The following CBLL1 variants were observed in gnomAD, a reference collection of about 807,000 sequenced individuals.
CBLL1 encodes the protein Cbl proto-oncogene like 1.
A neutral mutation model predicts 44.9 loss-of-function variants in CBLL1; 4 were observed. The observed-to-expected ratio is 0.09, with a 90% CI of 0.04 to 0.20. The LOEUF is 0.20. Ranked by LOEUF, CBLL1 falls within the 10% of genes least tolerant of loss-of-function variation. The pLI, the probability that CBLL1 is intolerant of heterozygous loss-of-function variation, is 1.00. For missense variants in CBLL1, 569 were observed against 636.7 expected (o/e 0.89, Z 1.14); for synonymous variants, 235 against 202.2 (o/e 1.16, Z -1.38).
In CBLL1 at chr7:107,754,734, T is replaced by A. The variant is rs1793451140; in HGVS notation, c.367-684T>A. Among the ~76,000 whole-genome samples, 4 of 152,218 alleles carry A rather than the reference T, an allele frequency of 2.6e-5. No homozygotes were observed. The South Asian group carries it at 8.3e-4, about 32-fold the overall frequency. ...AGGAAGATGCTGCTTACGTTAAATA[T>A]AGGACATACTTGTTATTTTACTGCA... On this transcript the variant is annotated intron_variant, in intron 4 of 5. Coordinates refer to ENST00000440859, the MANE Select transcript of CBLL1 (RefSeq NM_024814.4).
rs1433128585 is a variant in CBLL1, at chr7:107,761,478, CA to C, written c.*2304del. 6.6e-6 allele frequency: 1 copy of C among 152,088 alleles called. No homozygotes were observed. Among genetic ancestry groups the C allele is most frequent in the Admixed American group, 6.6e-5 (1 of 15,250 alleles). The allele number at this position is 152,088 out of a possible 1,614,324, so 9.4% of individuals were successfully genotyped here. ...TGAGGGTGGGTGGGTAGAAGGATAA[CA>C]AAATTACTGTTAGTGTTTCTTTCCT... is the stretch of plus-strand genomic sequence containing the variant. On this transcript the variant is annotated 3_prime_UTR_variant, in exon 6 of 6. Coordinates refer to ENST00000440859, the MANE Select transcript of CBLL1 (RefSeq NM_024814.4).
chr7:107,750,018 G>A (rs1793213314), intron 2 of CBLL1, among the ~76,000 whole-genome samples: 1 of 151,894 alleles, frequency 6.6e-6, no homozygotes, highest in South Asian at 2.1e-4. Flanking sequence ...TGCAGTGGTG[G>A]GATCATGGCT....
Position 107,759,199 on chromosome 7 carries a change from G to A in CBLL1, c.*21G>A. On this transcript the variant is annotated 3_prime_UTR_variant, in exon 6 of 6. Coordinates refer to ENST00000440859, the MANE Select transcript of CBLL1 (RefSeq NM_024814.4). ...AATGATAATAGTATTTTGAATGGAA[G>A]ATATGAGGGGGAAAAAAACTTATGT... is the stretch of plus-strand genomic sequence containing the variant. 1 of 1,546,466 alleles carries A rather than the reference G, an allele frequency of 6.5e-7. No homozygotes were observed. The highest frequency in any genetic ancestry group is 2.3e-5 in the East Asian group (1 of 44,232).
intron 5 of CBLL1, among the ~76,000 whole-genome samples, chr7:107,756,886 G>GTC (rs1793550415): frequency 6.6e-6 from 1 of 152,164 alleles, no homozygotes; most frequent in Non-Finnish European, 1.5e-5. Context: ...AGATCAGGAA[G>GTC]TGAAGAAATG....
At position 107,757,012 on chromosome 7, in the gene CBLL1, G is replaced by C. The variant is rs185626353; in HGVS notation, c.441-1131G>C. On this transcript the variant is annotated intron_variant, in intron 5 of 5. Coordinates refer to ENST00000440859, the MANE Select transcript of CBLL1 (RefSeq NM_024814.4). ...GTTTACAGTGAACTAGAAGCAAAAA[G>C]TGTGCCAGATGGCCACTAAAGGGAA... 8.6e-4 allele frequency among the ~76,000 whole-genome samples: 131 copies of C among 152,254 alleles called. 2 individuals are homozygous for C. The highest frequency in any genetic ancestry group is 8.2e-3 in the Admixed American group (126 of 15,296).
chr7:107,751,824 G>T (rs753238126), intron 2 of CBLL1, among the ~76,000 whole-genome samples: 5 of 152,076 alleles, frequency 3.3e-5, no homozygotes, highest in Non-Finnish European at 7.4e-5. Context: ...TTAATGATGG[G>T]AGTACAGGTG....
chr7:107,752,652 G>A, intron 2 of CBLL1: 1 of 1,123,214 alleles, frequency 8.9e-7, no homozygotes, highest in South Asian at 1.4e-5. Flanking sequence ...CCATCAGACT[G>A]TTGATTGGTT....
In CBLL1 at chr7:107,759,296, T is replaced by A; in HGVS notation, c.*118T>A. On this transcript the variant is annotated 3_prime_UTR_variant, in exon 6 of 6. Coordinates refer to ENST00000440859, the MANE Select transcript of CBLL1 (RefSeq NM_024814.4). Reference sequence around the variant, plus strand: ...TCTTATCGAGGTAGTATAAAACACATAGGGTCTTGTTTCTTAAAATGGTTT... The same window carrying A: ...TCTTATCGAGGTAGTATAAAACACAAAGGGTCTTGTTTCTTAAAATGGTTT... The A allele has an allele frequency of 7.2e-6, 6 of 830,862 alleles. No homozygotes were observed. Among genetic ancestry groups the A allele is most frequent in the Non-Finnish European group, 1.1e-5 (6 of 538,256 alleles). 51.5% of individuals were successfully genotyped at this position (830,862 alleles called of 1,614,324 possible). A position where few individuals can be genotyped will look rare whatever the true frequency, so the allele number is the denominator to read the frequency against.
chr7:107,755,842 A>G (rs1303701504), intron 5 of CBLL1, among the ~76,000 whole-genome samples: 1 of 152,154 alleles, frequency 6.6e-6, no homozygotes, highest in African/African-American at 2.4e-5. Flanking sequence ...TTGTTCTGCT[A>G]TTTATTAGCT....
chr7:107,749,846 G>C (rs1429621174), intron 2 of CBLL1, among the ~76,000 whole-genome samples: 3 of 151,686 alleles, frequency 2.0e-5, no homozygotes, highest in Non-Finnish European at 4.4e-5. Flanking sequence ...TCATAGCATT[G>C]ACCATTCTTG....
At chr7:107,755,874 C>G (rs1793506135) in intron 5 of CBLL1, among the ~76,000 whole-genome samples, 1 of 151,976 alleles carries the variant, frequency 6.6e-6, no homozygotes, top group Non-Finnish European at 1.5e-5. Flanking sequence ...ATAGGCTATT[C>G]TTTATTGATA....
At chr7:107,757,665 G>A (rs1398069621) in intron 5 of CBLL1, among the ~76,000 whole-genome samples, 1 of 152,134 alleles carries the variant, frequency 6.6e-6, no homozygotes, top group African/African-American at 2.4e-5. Context: ...TAATGATGAG[G>A]CTGATGTTAC....
intron 1 of CBLL1, 174 bp downstream of exon 1, chr7:107,744,350 C>G (rs1584366341): frequency 1.3e-6 from 1 of 790,420 alleles, no homozygotes; most frequent in Non-Finnish European, 1.9e-6. Flanking sequence ...GTTTCCTGGC[C>G]TACCGTCTGG....
chr7:107,749,107 G>T, intron 2 of CBLL1, 60 bp downstream of exon 2: 1 of 1,493,194 alleles, frequency 6.7e-7, no homozygotes, highest in Non-Finnish European at 9.1e-7. Context: ...GCTTCGGACA[G>T]TCTGTGTGAT....
Position 107,758,083 on chromosome 7 carries a change from A to T in CBLL1, c.441-60A>T. On this transcript the variant is annotated intron_variant, in intron 5 of 5. Transcript: ENST00000440859. This position sits in a 1 kb window ranked among gnomAD's most constrained non-coding sequence, Gnocchi z 4.2. ...TTTTAAAAACAAGCATATTTTTGAA[A>T]ATTACATAATTTTTTGTATTCTCTT... The T allele has an allele frequency of 6.9e-7, 1 of 1,453,294 alleles. No homozygotes were observed. Among genetic ancestry groups the T allele is most frequent in the Non-Finnish European group, 9.2e-7 (1 of 1,082,052 alleles). The allele number at this position is 1,453,294 out of a possible 1,614,324, so 90.0% of individuals were successfully genotyped here.
chr7:107,755,422 C>T lies in CBLL1; in HGVS notation c.371C>T (p.Pro124Leu), dbSNP rs1475903723. The change falls in exon 5 of 6, where the codon CCA becomes CTA. Residue 124 changes from proline (P) to leucine (L), a missense_variant. Physicochemically the swap from Pro to Leu is moderately conservative, Grantham distance 98. Transcript: ENST00000440859. ...LPIKIYGRMI[P>L]CKHVFCYDCA... ...GTAATATGTCTTTGTTTACAGATTC[C>T]ATGCAAGCATGTTTTTTGCTATGAC... 2 of 1,564,940 alleles carry T rather than the reference C, an allele frequency of 1.3e-6. No individual in the cohort carries two copies. The highest frequency in any genetic ancestry group is 2.4e-5 in the East Asian group (1 of 42,288).
Position 107,759,248 on chromosome 7 carries a change from C to G in CBLL1, c.*70C>G. The stretch of plus-strand genomic sequence containing the variant: ...GTGTAGTCAATCTTTTAAGCTTTGA[C>G]TGTTTTGGGAAGGAAGAGTACCTCT... On this transcript the variant is annotated 3_prime_UTR_variant, in exon 6 of 6. Transcript: ENST00000440859. 7.3e-7 allele frequency: 1 copy of G among 1,376,978 alleles called. No homozygotes were observed. Among genetic ancestry groups the G allele is most frequent in the Non-Finnish European group, 9.9e-7 (1 of 1,014,296 alleles). 85.3% of individuals were successfully genotyped at this position (1,376,978 alleles called of 1,614,324 possible).
At chr7:107,746,951 T>C (rs1475262704) in intron 1 of CBLL1, among the ~76,000 whole-genome samples, 5 of 152,212 alleles carry the variant, frequency 3.3e-5, no homozygotes, top group African/African-American at 7.2e-5. Context: ...TTAAACTATA[T>C]GATATGGAAG....
chr7:107,754,441 A>G (rs1475846492), intron 4 of CBLL1, among the ~76,000 whole-genome samples: 1 of 152,084 alleles, frequency 6.6e-6, no homozygotes, highest in East Asian at 1.9e-4. Context: ...AAAAAATTTT[A>G]CAATCCTAAC....
Sources: allele counts gnomAD v4.1 joint callset (sites outside exome capture counted in the v4.1 genomes callset), GRCh38; gene constraint gnomAD v4.1.1; non-coding constraint Gnocchi (gnomAD v3.1); transcripts MANE v1.5; gene names NCBI Gene and HGNC (gene_info 2026-07-23, HGNC 2026-07-21).